TBC1D19: variants seen among roughly 807,000 people sequenced by gnomAD.
TBC1D19 encodes TBC1 domain family, member 19.
Under a neutral mutation model 89.0 loss-of-function variants are expected in TBC1D19, and 60 were observed. The ratio of observed to expected loss-of-function variants is 0.67; its 90% CI spans 0.55 to 0.84. The LOEUF (loss-of-function observed/expected upper bound fraction) is 0.84, where lower values mean the gene tolerates loss of function less well. Ranked by LOEUF, TBC1D19 falls within the 40% of genes least tolerant of loss-of-function variation. The pLI is 0.00. For missense variants in TBC1D19, 500 were observed against 610.8 expected (o/e 0.82, Z 1.91); for synonymous variants, 189 against 199.7 (o/e 0.95, Z 0.45).
intron 7 of TBC1D19, among the ~76,000 whole-genome samples, chr4:26,643,309 A>G (rs1743678796): frequency 6.6e-6 from 1 of 152,234 alleles, no homozygotes; most frequent in Non-Finnish European, 1.5e-5. Flanking sequence ...AAACTGAACA[A>G]CTTGCTCCTG....
intron 15 of TBC1D19, among the ~76,000 whole-genome samples, chr4:26,724,904 A>G (rs1202885637): frequency 6.6e-6 from 1 of 151,912 alleles, no homozygotes; most frequent in African/African-American, 2.4e-5. Context: ...CCCATCTTTT[A>G]TTCCTTCTCC....
At chr4:26,577,064 G>A (rs2109917297) in intron 1 of TBC1D19, among the ~76,000 whole-genome samples, 1 of 152,264 alleles carries the variant, frequency 6.6e-6, no homozygotes, top group South Asian at 2.1e-4. Flanking sequence ...CAAAAACTGA[G>A]GTTTTCTAGA....
upstream of TBC1D19, among the ~76,000 whole-genome samples, chr4:26,581,831 C>G (rs943110949): frequency 1.3e-5 from 2 of 152,148 alleles, no homozygotes; most frequent in Non-Finnish European, 2.9e-5. Flanking sequence ...CTTGCCATTT[C>G]TTGCCTAGAG....
chr4:26,690,407 A>G (rs543942684), intron 13 of TBC1D19, among the ~76,000 whole-genome samples: 1 of 152,318 alleles, frequency 6.6e-6, no homozygotes, highest in East Asian at 1.9e-4. Context: ...TAGATGAAAC[A>G]GCTTTCCATT....
the TBC1D19 span, among the ~76,000 whole-genome samples, chr4:26,842,270 C>A: frequency 1.2e-4 from 18 of 152,058 alleles, no homozygotes; most frequent in Middle Eastern, 6.8e-3. Context: ...ATGTTCTCAC[C>A]TGACATCATC....
rs1714699129 is a variant in TBC1D19, at chr4:26,695,547, C to A, written c.954+7140C>A. Among the ~76,000 whole-genome samples the A allele has an allele frequency of 1.3e-5, 2 of 152,198 alleles. 1 individual carries two copies. Among genetic ancestry groups the A allele is most frequent in the South Asian group, 4.2e-4 (2 of 4,818 alleles). On this transcript the variant is annotated intron_variant, in intron 13 of 20. Transcript: ENST00000264866. ...CACCTCGAGAAGAGCAACCCCAAGA[C>A]ACATAATTGTCGGACTCATCAAGTT...
At chr4:26,839,968 T>A in the TBC1D19 span, among the ~76,000 whole-genome samples, 1 of 152,156 alleles carries the variant, frequency 6.6e-6, no homozygotes, top group African/African-American at 2.4e-5. Flanking sequence ...TTGATTTTGG[T>A]CATGGAGGAA....
intron 1 of TBC1D19, among the ~76,000 whole-genome samples, chr4:26,590,806 T>TTTTTTG (rs1739734200): frequency 8.4e-6 from 1 of 118,962 alleles, no homozygotes; most frequent in Non-Finnish European, 1.8e-5. Context: ...GTTTTTTTTT[T>TTTTTTG]TTTTTTTTTT....
At chr4:26,772,125 C>CTT in the TBC1D19 span, among the ~76,000 whole-genome samples, 3,904 of 139,896 alleles carry the variant, frequency 0.028, 209 homozygotes, top group African/African-American at 0.098. Flanking sequence ...AGCCCTCCAA[C>CTT]TTTTTTTTTT....
At chr4:26,779,720 G>A in the TBC1D19 span, among the ~76,000 whole-genome samples, 1 of 152,206 alleles carries the variant, frequency 6.6e-6, no homozygotes. Flanking sequence ...TGGCATGATG[G>A]AACTTGATTT....
intron 7 of TBC1D19, among the ~76,000 whole-genome samples, chr4:26,649,750 T>C (rs1467746677): frequency 2.6e-5 from 4 of 152,044 alleles, no homozygotes; most frequent in Non-Finnish European, 4.4e-5. Context: ...TTAGGGTACA[T>C]GTGCACAACG....
intron 1 of TBC1D19, among the ~76,000 whole-genome samples, chr4:26,610,896 C>G (rs1741339723): frequency 6.6e-6 from 1 of 152,072 alleles, no homozygotes; most frequent in African/African-American, 2.4e-5. Flanking sequence ...GTGAATAGTG[C>G]TGCAATGAAC....
intron 1 of TBC1D19, among the ~76,000 whole-genome samples, chr4:26,606,601 G>A (rs967983657): frequency 2.0e-5 from 3 of 152,154 alleles, no homozygotes; most frequent in Non-Finnish European, 4.4e-5. Flanking sequence ...GATGTAGACA[G>A]TTTCTAAGTT....
Position 26,672,225 on chromosome 4 carries a change from G to T in TBC1D19, c.703+38G>T, listed in dbSNP as rs144187795. 2.6e-4 allele frequency: 342 copies of T among 1,299,422 alleles called. No homozygotes were observed. In the East Asian group the frequency reaches 3.4e-3, roughly 13 times the overall value. 80.5% of individuals were successfully genotyped at this position (1,299,422 alleles called of 1,614,324 possible). A position where few individuals can be genotyped will look rare whatever the true frequency, so the allele number is the denominator to read the frequency against. On this transcript the variant is annotated intron_variant, in intron 10 of 20. Transcript: ENST00000264866. ...TTATAAATGTTATTATTTCTGAAAAGTGAGACAGTCCCAGCTAAATGTCTG... is the reference window on the plus strand; with the variant it reads ...TTATAAATGTTATTATTTCTGAAAATTGAGACAGTCCCAGCTAAATGTCTG...
intron 13 of TBC1D19, among the ~76,000 whole-genome samples, chr4:26,702,702 T>A (rs962069083): frequency 6.6e-6 from 1 of 152,218 alleles, no homozygotes; most frequent in Admixed American, 6.5e-5. Flanking sequence ...CTGTTTTAAA[T>A]GCTGTAGTAA....
At chr4:26,776,847 T>G in the TBC1D19 span, among the ~76,000 whole-genome samples, 1 of 152,124 alleles carries the variant, frequency 6.6e-6, no homozygotes, top group Admixed American at 6.5e-5. Context: ...CACTTGCAGT[T>G]TTTGCCTAGA....
chr4:26,822,762 A>T, the TBC1D19 span, among the ~76,000 whole-genome samples: 1 of 152,264 alleles, frequency 6.6e-6, no homozygotes, highest in Non-Finnish European at 1.5e-5. Flanking sequence ...GCACTAAGCC[A>T]CAAACAGGAA....
intron 8 of TBC1D19, among the ~76,000 whole-genome samples, chr4:26,660,086 T>C (rs1350587507): frequency 6.6e-6 from 1 of 152,180 alleles, no homozygotes; most frequent in African/African-American, 2.4e-5. Context: ...TTATGGAGCT[T>C]GTAACAAGAT....
chr4:26,626,443 T>C (rs565175640), intron 4 of TBC1D19, among the ~76,000 whole-genome samples: 9 of 152,160 alleles, frequency 5.9e-5, no homozygotes, highest in Admixed American at 5.9e-4. Context: ...AATATTCTAG[T>C]GCTATACATG....
Sources: allele counts gnomAD v4.1 joint callset (sites outside exome capture counted in the v4.1 genomes callset), GRCh38; gene constraint gnomAD v4.1.1; transcripts MANE v1.5; gene names NCBI Gene and HGNC (gene_info 2026-07-23, HGNC 2026-07-21).